RNF169: variants seen among roughly 807,000 people sequenced by gnomAD.
The protein encoded by RNF169 is ring finger protein 169.
A neutral mutation model predicts 53.9 loss-of-function variants in RNF169; 24 were observed. That is an observed-to-expected ratio of 0.45 (90% CI 0.32 to 0.63). The LOEUF is 0.63. RNF169 is among the 20% of genes least tolerant of loss of function. The probability of loss-of-function intolerance (pLI) is 0.04; values close to 1 mark genes in which losing one functional copy is unlikely to be tolerated. For synonymous variants in RNF169, 396 were observed against 363.5 expected (o/e 1.09, Z -1.02); for missense variants, 883 against 906.2 (o/e 0.97, Z 0.33).
At chr11:74,792,653 T>C (rs985211107) in intron 2 of RNF169, among the ~76,000 whole-genome samples, 1 of 152,084 alleles carries the variant, frequency 6.6e-6, no homozygotes, top group African/African-American at 2.4e-5. Flanking sequence ...CACCTGCCTC[T>C]GCCTCCCAAA....
intron 1 of RNF169, among the ~76,000 whole-genome samples, chr11:74,759,982 T>C (rs1428738766): frequency 6.6e-6 from 1 of 151,288 alleles, no homozygotes; most frequent in Non-Finnish European, 1.5e-5. Flanking sequence ...TTGCCACAAT[T>C]TCAGCTCCTG....
At chr11:74,756,379 C>T (rs894124717) in intron 1 of RNF169, among the ~76,000 whole-genome samples, 4 of 152,088 alleles carry the variant, frequency 2.6e-5, no homozygotes, top group African/African-American at 9.7e-5. Context: ...TCTAGCTTTG[C>T]TATTTATAGC....
At position 74,762,376 on chromosome 11, in the gene RNF169, C is replaced by T. The variant is rs189518665; in HGVS notation, c.502+12994C>T. Among the ~76,000 whole-genome samples the T allele has an allele frequency of 7.6e-4, 116 of 152,234 alleles. 5 individuals are homozygous for T. In the East Asian group the frequency reaches 0.017, roughly 22 times the overall value. ...CTGCGTTCCTTTGGAGGAGGAGAGG[C>T]GCTCTGCCTTTTAGAGTTTCCAGTT... On this transcript the variant is annotated intron_variant, in intron 1 of 5. Coordinates refer to ENST00000299563, the MANE Select transcript of RNF169 (RefSeq NM_001098638.2).
At chr11:74,792,155 T>C (rs1477227487) in intron 2 of RNF169, among the ~76,000 whole-genome samples, 1 of 152,250 alleles carries the variant, frequency 6.6e-6, no homozygotes, top group East Asian at 1.9e-4. Flanking sequence ...TGTGAGGTTT[T>C]TGTCTCTTTT....
intron 1 of RNF169, among the ~76,000 whole-genome samples, chr11:74,750,866 T>G (rs1445305108): frequency 1.3e-4 from 4 of 29,764 alleles, no homozygotes; most frequent in Non-Finnish European, 1.9e-4. Flanking sequence ...CCTCCCAAGG[T>G]TTTTTTTTTT....
At chr11:74,776,511 CAAAAAAAAAAA>C (rs766527055) in intron 1 of RNF169, among the ~76,000 whole-genome samples, 1 of 82,030 alleles carries the variant, frequency 1.2e-5, no homozygotes, top group Admixed American at 1.4e-4. Context: ...TTCATTCAGC[CAAAAAAAAAAA>C]AAAAAAAAAA....
intron 3 of RNF169, among the ~76,000 whole-genome samples, chr11:74,811,040 C>T (rs775694206): frequency 6.6e-6 from 1 of 151,790 alleles, no homozygotes; most frequent in African/African-American, 2.4e-5. Flanking sequence ...TTTTGTGATT[C>T]AGGCTTGTTA....
chr11:74,795,256 A>G (rs1367602082), intron 2 of RNF169, among the ~76,000 whole-genome samples: 16 of 133,252 alleles, frequency 1.2e-4, no homozygotes, highest in Admixed American at 5.0e-4. Flanking sequence ...GTCTCACTCT[A>G]TCACCCAGGC....
intron 1 of RNF169, among the ~76,000 whole-genome samples, chr11:74,751,200 C>T (rs1030009402): frequency 1.3e-5 from 2 of 152,086 alleles, no homozygotes; most frequent in African/African-American, 4.8e-5. Flanking sequence ...TTCACAACAT[C>T]CCTATGAGAT....
chr11:74,766,574 A>G (rs115778267), intron 1 of RNF169, among the ~76,000 whole-genome samples: 3,227 of 152,298 alleles, frequency 0.021, 110 homozygotes, highest in African/African-American at 0.074. Context: ...TTTATAGCTA[A>G]GATGATATGA....
chr11:74,750,503 C>T (rs1233230410), intron 1 of RNF169, among the ~76,000 whole-genome samples: 1 of 150,702 alleles, frequency 6.6e-6, no homozygotes, highest in Non-Finnish European at 1.5e-5. Flanking sequence ...ACACCTGTCA[C>T]TGTCCTAGGA....
chr11:74,778,372 T>A (rs1368526717), intron 1 of RNF169, among the ~76,000 whole-genome samples: 1 of 152,242 alleles, frequency 6.6e-6, no homozygotes, highest in Non-Finnish European at 1.5e-5. Flanking sequence ...ACGAATTTTT[T>A]TTCCATTTGT....
At chr11:74,825,315 A>G (rs1162548614) in intron 4 of RNF169, among the ~76,000 whole-genome samples, 1 of 152,238 alleles carries the variant, frequency 6.6e-6, no homozygotes, top group Non-Finnish European at 1.5e-5. Context: ...AAATTAACAA[A>G]TATGTGGAAA....
At chr11:74,814,445 G>T (rs1339310826) in intron 3 of RNF169, among the ~76,000 whole-genome samples, 1 of 140,998 alleles carries the variant, frequency 7.1e-6, no homozygotes, top group Non-Finnish European at 1.5e-5. Context: ...GTAGTGGTGT[G>T]ATCATAGTTC....
intron 1 of RNF169, among the ~76,000 whole-genome samples, chr11:74,777,031 G>GT (rs1177065448): frequency 6.6e-6 from 1 of 152,294 alleles, no homozygotes; most frequent in East Asian, 1.9e-4. Context: ...GGGAAGCAAT[G>GT]TTAAAGATAG....
intron 2 of RNF169, 69 bp from the exon 3 acceptor site, chr11:74,810,115 C>G (rs2035855051): frequency 1.5e-6 from 2 of 1,367,432 alleles, no homozygotes; most frequent in African/African-American, 1.5e-5. Context: ...TAATAAACTA[C>G]AGAGTAAAAT....
chr11:74,823,714 G>A (rs2036050044), intron 4 of RNF169, among the ~76,000 whole-genome samples: 1 of 147,782 alleles, frequency 6.8e-6, no homozygotes, highest in African/African-American at 2.5e-5. Context: ...TCCAGCCTAG[G>A]CGATAGAGTG....
At chr11:74,810,370 A>C in intron 3 of RNF169, 40 bp downstream of exon 3, 1 of 1,604,558 alleles carries the variant, frequency 6.2e-7, no homozygotes, top group South Asian at 1.1e-5. Flanking sequence ...TGCCTCAAAA[A>C]TCAGTGGTTA....
intron 1 of RNF169, among the ~76,000 whole-genome samples, chr11:74,772,570 C>T (rs1466169898): frequency 6.6e-6 from 1 of 150,766 alleles, no homozygotes; most frequent in African/African-American, 2.4e-5. Context: ...AGCCAACTGC[C>T]TGGTTTAAAT....
Sources: allele counts gnomAD v4.1 joint callset (sites outside exome capture counted in the v4.1 genomes callset), GRCh38; gene constraint gnomAD v4.1.1; transcripts MANE v1.5; gene names NCBI Gene and HGNC (gene_info 2026-07-23, HGNC 2026-07-21).